The following GHRL variants were observed in gnomAD, a reference collection of about 807,000 sequenced individuals.
The protein encoded by GHRL is ghrelin and obestatin prepropeptide, also known as appetite-regulating hormone.
A neutral mutation model predicts 16.9 loss-of-function variants in GHRL; 24 were observed. That is an observed-to-expected ratio of 1.42 (90% CI 1.03 to 2.00). The LOEUF (loss-of-function observed/expected upper bound fraction) is 2.00. Among genes scored for constraint, GHRL ranks in the 30% most tolerant of loss-of-function variants. The pLI is 0.00. For missense variants in GHRL, 193 were observed against 142.1 expected (o/e 1.36, Z -1.82); for synonymous variants, 63 against 58.2 (o/e 1.08, Z -0.37).
At chr3:10,290,601 G>C (rs138367702) in intron 2 of GHRL, 115 bp downstream of exon 2, 3 of 357,508 alleles carry the variant, frequency 8.4e-6, no homozygotes, top group Non-Finnish European at 1.3e-5. Flanking sequence ...CAGACAGTCC[G>C]ACATCCCCCG....
rs764321815 is a variant in GHRL, at chr3:10,286,701, C to G, written c.334+3G>C. 1 of 1,532,860 alleles carries G rather than the reference C, an allele frequency of 6.5e-7. No individual in the cohort carries two copies. Among genetic ancestry groups the G allele is most frequent in the Non-Finnish European group, 9.0e-7 (1 of 1,105,708 alleles). 95.0% of individuals were successfully genotyped at this position (1,532,860 alleles called of 1,614,324 possible). A position where few individuals can be genotyped will look rare whatever the true frequency, so the allele number is the denominator to read the frequency against. ...GAGCAAACCCAGTCCAGGCAGGACT[C>G]ACCTTTGGCCTCTTCCCAGAGGATG... On this transcript the variant is annotated splice_donor_region_variant and intron_variant, in intron 5 of 5. Coordinates refer to ENST00000335542, the MANE Select transcript of GHRL (RefSeq NM_016362.5).
At chr3:10,288,803 C>A (rs1442637910) in intron 4 of GHRL, among the ~76,000 whole-genome samples, 1 of 152,210 alleles carries the variant, frequency 6.6e-6, no homozygotes, top group Non-Finnish European at 1.5e-5. Flanking sequence ...GGCCACTGTG[C>A]GCTGTCTCTG....
At chr3:10,290,495 T>G in intron 2 of GHRL, 1 of 345,696 alleles carries the variant, frequency 2.9e-6, no homozygotes, top group Non-Finnish European at 5.4e-6. Flanking sequence ...GCGAGTCTTT[T>G]CATGAGGAGG....
intron 4 of GHRL, among the ~76,000 whole-genome samples, chr3:10,288,663 A>T (rs1699460768): frequency 6.6e-6 from 1 of 152,204 alleles, no homozygotes; most frequent in Admixed American, 6.5e-5. Context: ...GCTGGTGAGG[A>T]TGAAAGCGAG....
At chr3:10,289,126 C>T (rs1180611610) in intron 4 of GHRL, among the ~76,000 whole-genome samples, 2 of 152,218 alleles carry the variant, frequency 1.3e-5, no homozygotes, top group Non-Finnish European at 2.9e-5. Context: ...TTAGAAGAAA[C>T]CATTCCCTGA....
At position 10,290,338 on chromosome 3, in the gene GHRL, A is replaced by G. The variant is rs923729630; in HGVS notation, c.-29-129T>C. On this transcript the variant is annotated intron_variant, in intron 2 of 5. Coordinates refer to ENST00000335542, the MANE Select transcript of GHRL (RefSeq NM_016362.5). ...GGGTCCTGACTGCTGTGTAGAGAGG[A>G]CCCCCGCTTCCACCTCCCAAGGTAG... 45 of 835,032 alleles carry G rather than the reference A, an allele frequency of 5.4e-5. No individual in the cohort carries two copies. In the Middle Eastern group the frequency reaches 1.1e-3, roughly 20 times the overall value. The allele number at this position is 835,032 out of a possible 1,614,324, so 51.7% of individuals were successfully genotyped here.
chr3:10,291,580 G>T, intron 1 of GHRL, 129 bp from the exon 2 acceptor site: 1 of 484,522 alleles, frequency 2.1e-6, no homozygotes, highest in South Asian at 8.8e-5. Flanking sequence ...GGGGAAAGTG[G>T]CTTCTAACCT....
rs1034470849 is a variant in GHRL, at chr3:10,291,889, C to T, written c.-765-438G>A. 4.0e-5 allele frequency among the ~76,000 whole-genome samples: 6 copies of T among 151,652 alleles called. No individual in the cohort carries two copies. In the South Asian group the frequency reaches 8.3e-4, roughly 21 times the overall value. On this transcript the variant is annotated intron_variant, in intron 1 of 5. Coordinates refer to ENST00000335542, the MANE Select transcript of GHRL (RefSeq NM_016362.5). ...GCAGGGCTTTGGAGGGAGGGCTTTG[C>T]GGCAAGCAGAGGGGAGGTGAAGGCG... is the stretch of plus-strand genomic sequence containing the variant.
intron 5 of GHRL, 97 bp downstream of exon 5, chr3:10,286,607 G>C: frequency 1.5e-6 from 1 of 661,644 alleles, no homozygotes; most frequent in Non-Finnish European, 2.7e-6. Context: ...AAGTTCTTTT[G>C]GAGAGGCAGA....
At chr3:10,292,752 G>GA in intron 1 of GHRL, 90 bp downstream of exon 1, 1 of 757,128 alleles carries the variant, frequency 1.3e-6, no homozygotes, top group South Asian at 1.6e-5. Context: ...CTTTTTCAGA[G>GA]CCACCAACCC....
rs772882589 is a variant in GHRL at position 10,290,982 on chromosome 3, G to A, written c.-296C>T. On this transcript the variant is annotated 5_prime_UTR_variant, in exon 2 of 6. Transcript: ENST00000335542. ...ACACGGTGGCGGGGTGCCCCAAGTG[G>A]GCATGGCCCTGGTGGAGGAGGGAGG... 1.3e-4 allele frequency: 128 copies of A among 985,604 alleles called. No individual in the cohort carries two copies. Among genetic ancestry groups the A allele is most frequent in the Admixed American group, 3.7e-4 (6 of 16,272 alleles). 61.1% of individuals were successfully genotyped at this position (985,604 alleles called of 1,614,324 possible).
chr3:10,290,248 C>T (rs180917811), intron 2 of GHRL, 39 bp from the exon 3 acceptor site: 3 of 1,556,602 alleles, frequency 1.9e-6, no homozygotes, highest in African/African-American at 2.7e-5. Context: ...GCCTCCCCTT[C>T]TCATGTGCCT....
In GHRL at chr3:10,286,787, A is replaced by T. The variant is rs1576040157; in HGVS notation, c.251T>A (p.Ile84Asn). 14 of 1,612,506 alleles carry T rather than the reference A, an allele frequency of 8.7e-6. No homozygotes were observed. The highest frequency in any genetic ancestry group is 1.7e-5 in the Admixed American group (1 of 60,016). ...CTGGTACTGAACCCCTGACAGCTTG[A>T]TTCCAACATCAAAGGGGGCGTTGAA... ...VRFNAPFDVGIKLSGVQYQQH... is the reference protein window; with the variant it reads ...VRFNAPFDVGNKLSGVQYQQH... Residue 84 changes from isoleucine (I) to asparagine (N), a missense_variant, in exon 5 of 6, where the codon ATC (isoleucine) becomes AAC (asparagine). Ile to Asn is a moderately radical substitution (Grantham distance 149). Transcript: ENST00000335542.
chr3:10,292,007 G>C (rs1381780709), intron 1 of GHRL: 1 of 152,330 alleles, frequency 6.6e-6, no homozygotes, highest in East Asian at 1.9e-4. Context: ...AAGGTGGTTT[G>C]GGGCCAGGTG....
chr3:10,287,449 C>G (rs1252029333), intron 4 of GHRL: 1 of 153,564 alleles, frequency 6.5e-6, no homozygotes, highest in East Asian at 1.9e-4. Flanking sequence ...TCCAGGTATT[C>G]CTGAGATGAT....
rs1032686590 is a variant in GHRL at position 10,292,842 on chromosome 3, C to T, written c.-766G>A. On this transcript the variant is annotated splice_region_variant and 5_prime_UTR_variant, in exon 1 of 6. Transcript: ENST00000335542. ...CCTGAGACATGAAGCCTCCACTTACCTGGACCCTGGAGGCCTCTCCGGGCA... is the reference window on the plus strand; with the variant it reads ...CCTGAGACATGAAGCCTCCACTTACTTGGACCCTGGAGGCCTCTCCGGGCA... The T allele has an allele frequency of 6.5e-7, 1 of 1,533,628 alleles. No individual in the cohort carries two copies. Among genetic ancestry groups the T allele is most frequent in the Non-Finnish European group, 8.8e-7 (1 of 1,132,522 alleles).
chr3:10,292,555 T>C, intron 1 of GHRL: 1 of 422,538 alleles, frequency 2.4e-6, no homozygotes, highest in Non-Finnish European at 4.1e-6. Flanking sequence ...GGTAAACATC[T>C]CACCACCAAC....
At chr3:10,289,263 A>G (rs1435325842) in intron 4 of GHRL, among the ~76,000 whole-genome samples, 1 of 151,992 alleles carries the variant, frequency 6.6e-6, no homozygotes, top group African/African-American at 2.4e-5. Flanking sequence ...CATCACCCAC[A>G]CCTGCCCCCT....
intron 4 of GHRL, among the ~76,000 whole-genome samples, chr3:10,288,528 C>A (rs1195507685): frequency 1.3e-5 from 2 of 152,182 alleles, no homozygotes; most frequent in South Asian, 4.1e-4. Context: ...GCTGGGATGA[C>A]CATGTGTGGA....
Sources: allele counts gnomAD v4.1 joint callset (sites outside exome capture counted in the v4.1 genomes callset), GRCh38; gene constraint gnomAD v4.1.1; transcripts MANE v1.5; gene names NCBI Gene and HGNC (gene_info 2026-07-23, HGNC 2026-07-21).